Variants in RSU1 observed in about 807,000 individuals in gnomAD.
RSU1 encodes rsu-1.
Under a neutral mutation model 31.1 loss-of-function variants are expected in RSU1, and 26 were observed. The ratio of observed to expected loss-of-function variants is 0.84; its 90% CI spans 0.61 to 1.16. The LOEUF is 1.16. Among genes scored for constraint, RSU1 ranks in the 50% most tolerant of loss-of-function variants. The probability of loss-of-function intolerance (pLI) is 0.00; values close to 1 mark genes in which losing one functional copy is unlikely to be tolerated. For missense variants in RSU1, 320 were observed against 339.1 expected (o/e 0.94, Z 0.44); for synonymous variants, 164 against 136.3 (o/e 1.20, Z -1.41).
intron 8 of RSU1, 89 bp from the exon 9 acceptor site, chr10:16,593,585 T>G: frequency 4.0e-6 from 4 of 1,004,806 alleles, no homozygotes; most frequent in Non-Finnish European, 6.2e-6. Flanking sequence ...TAGAAGAATC[T>G]CCAAAAATAT....
chr10:16,810,384 G>A (rs1475012114), intron 2 of RSU1, among the ~76,000 whole-genome samples: 1 of 152,280 alleles, frequency 6.6e-6, no homozygotes, highest in Middle Eastern at 3.4e-3. Context: ...AAAATTACCA[G>A]TTTTCAAAGC....
intron 2 of RSU1, among the ~76,000 whole-genome samples, chr10:16,797,140 C>T (rs1838055153): frequency 6.6e-6 from 1 of 152,160 alleles, no homozygotes; most frequent in East Asian, 1.9e-4. Context: ...GGAAACTGAC[C>T]ACCTAGGGCT....
chr10:16,684,437 C>T (rs1465786338), intron 8 of RSU1, among the ~76,000 whole-genome samples: 3 of 152,088 alleles, frequency 2.0e-5, no homozygotes, highest in Non-Finnish European at 2.9e-5. Context: ...TTGGAGACAG[C>T]GTTTTTAAAG....
intron 8 of RSU1, among the ~76,000 whole-genome samples, chr10:16,649,933 G>A (rs1392662365): frequency 6.6e-6 from 1 of 152,138 alleles, no homozygotes; most frequent in Non-Finnish European, 1.5e-5. Context: ...AAAACCAAAA[G>A]TAAACACATC....
In RSU1 at chr10:16,731,877, G is replaced by A. The variant is rs538457398; in HGVS notation, c.598+20662C>T. On this transcript the variant is annotated intron_variant, in intron 7 of 8. Transcript: ENST00000345264. ...ATTTATCTCCAACGCTTTTGAGAGT[G>A]GTTAAGATAAGCCGATATTGTTGGG... Among the ~76,000 whole-genome samples, 4 of 152,056 alleles carry A rather than the reference G, an allele frequency of 2.6e-5. No homozygotes were observed. The East Asian group carries it at 5.8e-4, about 22-fold the overall frequency.
intron 2 of RSU1, among the ~76,000 whole-genome samples, chr10:16,799,651 T>G (rs1838109183): frequency 6.6e-6 from 1 of 152,108 alleles, no homozygotes; most frequent in African/African-American, 2.4e-5. Flanking sequence ...CCTCTGTGCT[T>G]CATGGAAGGG....
At chr10:16,609,566 C>T (rs74125982) in intron 8 of RSU1, among the ~76,000 whole-genome samples, 422 of 152,338 alleles carry the variant, frequency 2.8e-3, no homozygotes, top group African/African-American at 9.2e-3. Flanking sequence ...CAAAGCCAAG[C>T]ACCTCCCGGG....
Position 16,802,151 on chromosome 10 carries a change from GA to G in RSU1, c.109+14821del, listed in dbSNP as rs1314953962. Among the ~76,000 whole-genome samples the G allele has an allele frequency of 2.8e-5, 4 of 140,764 alleles. No homozygotes were observed. In the East Asian group the frequency reaches 8.4e-4, roughly 30 times the overall value. The allele number at this position is 140,764 out of a possible 152,430, so 92.3% of individuals were successfully genotyped here. ...CTCTGAGTACAAAAGCTGGTTTTTG[GA>G]AAAGATCAATAAAACTGGTAATCCT... On this transcript the variant is annotated intron_variant, in intron 2 of 8. Coordinates refer to ENST00000345264, the MANE Select transcript of RSU1 (RefSeq NM_012425.4).
At position 16,695,159 on chromosome 10, in the gene RSU1, G is replaced by GGGGT. The variant is rs1554767086; in HGVS notation, c.599-5_599-4insACCC. ...TGGCCAGTTAAATCCAAGTTTCCTGGGGGGGGGGAAAAAAAAAGTGAAGGT... is the reference window on the plus strand; with the variant it reads ...TGGCCAGTTAAATCCAAGTTTCCTGGGGGTGGGGGGGGAAAAAAAAAGTGAAGGT... On this transcript the variant is annotated splice_polypyrimidine_tract_variant and splice_region_variant and intron_variant, in intron 7 of 8. Coordinates refer to ENST00000345264, the MANE Select transcript of RSU1 (RefSeq NM_012425.4). The GGGGT allele has an allele frequency of 1.9e-5, 25 of 1,310,270 alleles. No homozygotes were observed. Among genetic ancestry groups the GGGGT allele is most frequent in the African/African-American group, 9.3e-5 (4 of 42,992 alleles). 81.2% of individuals were successfully genotyped at this position (1,310,270 alleles called of 1,614,324 possible). A position where few individuals can be genotyped will look rare whatever the true frequency, so the allele number is the denominator to read the frequency against.
At chr10:16,723,527 T>C (rs927502588) in intron 7 of RSU1, among the ~76,000 whole-genome samples, 4 of 152,182 alleles carry the variant, frequency 2.6e-5, no homozygotes, top group Admixed American at 6.5e-5. Context: ...ATGAATGAGA[T>C]TAAGCTCATA....
chr10:16,759,231 A>G (rs1032988768), intron 4 of RSU1, among the ~76,000 whole-genome samples: 9 of 152,160 alleles, frequency 5.9e-5, no homozygotes, highest in African/African-American at 2.2e-4. Context: ...CGAGCCCAGT[A>G]GCTCACGTCT....
At chr10:16,724,070 AG>A (rs1372887568) in intron 7 of RSU1, among the ~76,000 whole-genome samples, 3 of 152,012 alleles carry the variant, frequency 2.0e-5, no homozygotes, top group African/African-American at 7.3e-5. Context: ...CCTCCCCAAT[AG>A]CTGGGATTAC....
At chr10:16,727,537 G>C (rs1019187676) in intron 7 of RSU1, among the ~76,000 whole-genome samples, 1 of 152,000 alleles carries the variant, frequency 6.6e-6, no homozygotes, top group African/African-American at 2.4e-5. Flanking sequence ...CAAAATCTGT[G>C]TCTCTAAAAA....
intron 2 of RSU1, among the ~76,000 whole-genome samples, chr10:16,783,316 G>C (rs566984009): frequency 6.6e-6 from 1 of 150,934 alleles, no homozygotes; most frequent in African/African-American, 2.5e-5. Context: ...TTGGGGCTCA[G>C]CACGCTTTGA....
intron 2 of RSU1, among the ~76,000 whole-genome samples, chr10:16,796,503 C>A (rs1838036570): frequency 6.6e-6 from 1 of 152,126 alleles, no homozygotes; most frequent in African/African-American, 2.4e-5. Context: ...CCCCAAAGGC[C>A]CATTAGACTC....
intron 8 of RSU1, among the ~76,000 whole-genome samples, chr10:16,598,979 A>G (rs1254763127): frequency 6.6e-6 from 1 of 152,200 alleles, no homozygotes; most frequent in Non-Finnish European, 1.5e-5. Context: ...GTGTGTCCCA[A>G]AGGAAAAATG....
At chr10:16,786,737 C>G (rs939967339) in intron 2 of RSU1, among the ~76,000 whole-genome samples, 1 of 152,158 alleles carries the variant, frequency 6.6e-6, no homozygotes, top group African/African-American at 2.4e-5. Context: ...TTGTAATTCT[C>G]TCCTCTAACG....
chr10:16,733,692 G>A (rs1411093247), intron 7 of RSU1, among the ~76,000 whole-genome samples: 1 of 152,124 alleles, frequency 6.6e-6, no homozygotes. Context: ...AAAGAAGTAG[G>A]TGAACAGCTA....
At chr10:16,743,014 G>A (rs1299159903) in intron 7 of RSU1, among the ~76,000 whole-genome samples, 1 of 152,204 alleles carries the variant, frequency 6.6e-6, no homozygotes, top group Admixed American at 6.5e-5. Context: ...TTGATTATCA[G>A]TGAAGGCCAG....
Sources: allele counts gnomAD v4.1 joint callset (sites outside exome capture counted in the v4.1 genomes callset), GRCh38; gene constraint gnomAD v4.1.1; transcripts MANE v1.5; gene names NCBI Gene and HGNC (gene_info 2026-07-23, HGNC 2026-07-21).